Variants in EYS observed in about 807,000 individuals in gnomAD.
EYS encodes protein eyes shut homolog.
EYS carries 250 observed loss-of-function variants against 282.1 expected under a neutral mutation model. The observed-to-expected ratio is 0.89, with a 90% CI of 0.80 to 0.98. The LOEUF (loss-of-function observed/expected upper bound fraction) is 0.98, where lower values mean the gene tolerates loss of function less well. Among genes scored for constraint, EYS ranks in the 50% least tolerant of loss-of-function variants. The pLI is 0.00. For synonymous variants in EYS, 1,355 were observed against 1,282.9 expected, an observed-to-expected ratio of 1.06 and a Z score of -1.20; for missense variants, 4,016 against 3,709.0, an observed-to-expected ratio of 1.08 and a Z score of -2.15.
chr6:65,365,054 T>C (rs1381923698), intron 8 of EYS, among the ~76,000 whole-genome samples: 1 of 151,644 alleles, frequency 6.6e-6, no homozygotes, highest in Non-Finnish European at 1.5e-5. Context: ...AAAGTCATCC[T>C]AACTCTGAAG....
intron 6 of EYS, among the ~76,000 whole-genome samples, chr6:65,404,207 C>A (rs1766630091): frequency 1.3e-5 from 2 of 152,006 alleles, no homozygotes; most frequent in Admixed American, 1.3e-4. Context: ...ATCAAATCCC[C>A]CTTTGACTCT....
chr6:65,184,788 A>T (rs1376134206), intron 12 of EYS, among the ~76,000 whole-genome samples: 1 of 151,716 alleles, frequency 6.6e-6, no homozygotes, highest in East Asian at 1.9e-4. Context: ...TGGCTTCACA[A>T]ATATAAAACC....
rs1017765006 is a variant in EYS, at chr6:65,536,138, A to T, written c.-332-40145T>A. ...ATGGGGAAGAAGACAATGACACTAA[A>T]TAGATAAATTTGAGAATCATACGAC... is the stretch of plus-strand genomic sequence containing the variant. On this transcript the variant is annotated intron_variant, in intron 2 of 42. Coordinates refer to ENST00000503581, the MANE Select transcript of EYS (RefSeq NM_001142800.2). Among the ~76,000 whole-genome samples the T allele has an allele frequency of 3.9e-5, 6 of 152,216 alleles. No homozygotes were observed. In the East Asian group the frequency reaches 1.2e-3, roughly 29 times the overall value.
At chr6:65,657,576 A>T (rs1396387034) in intron 1 of EYS, among the ~76,000 whole-genome samples, 1 of 151,890 alleles carries the variant, frequency 6.6e-6, no homozygotes, top group Non-Finnish European at 1.5e-5. Context: ...AATTGCTGTA[A>T]TCTCATGATC....
chr6:64,151,311 G>GTGTATATA (rs1774698602), intron 31 of EYS, among the ~76,000 whole-genome samples: 1 of 87,168 alleles, frequency 1.1e-5, no homozygotes, highest in Admixed American at 1.5e-4. Context: ...GTGTGTGTGT[G>GTGTATATA]TATATTTATA....
intron 22 of EYS, among the ~76,000 whole-genome samples, chr6:64,725,357 A>G (rs1771718204): frequency 6.6e-6 from 1 of 152,034 alleles, no homozygotes; most frequent in Non-Finnish European, 1.5e-5. Context: ...TTACTTTCCT[A>G]TCGTGTTCTC....
chr6:64,191,991 T>C (rs995211671), intron 31 of EYS, among the ~76,000 whole-genome samples: 6 of 145,590 alleles, frequency 4.1e-5, no homozygotes, highest in Non-Finnish European at 9.1e-5. Context: ...CCAGCACCTG[T>C]TGTTTCCTGA....
intron 28 of EYS, among the ~76,000 whole-genome samples, chr6:64,409,618 T>C (rs1181634101): frequency 6.6e-6 from 1 of 152,150 alleles, no homozygotes; most frequent in Non-Finnish European, 1.5e-5. Flanking sequence ...ACTTCACCAA[T>C]TTTATATGTT....
At position 64,729,519 on chromosome 6, in the gene EYS, A is replaced by G. The variant is rs574491815; in HGVS notation, c.3443+83859T>C. On this transcript the variant is annotated intron_variant, in intron 22 of 42. Transcript: ENST00000503581. ...TGTCTCAGCTATCTTCAGTTTTAAG[A>G]AGGATGAGAAACAAGTGAATGTAGT... Among the ~76,000 whole-genome samples the G allele has an allele frequency of 6.6e-5, 10 of 152,280 alleles. 1 individual carries two copies. The South Asian group carries it at 1.7e-3, about 25-fold the overall frequency.
intron 12 of EYS, among the ~76,000 whole-genome samples, chr6:65,182,385 TTTTG>T (rs1317767753): frequency 6.6e-6 from 1 of 151,520 alleles, no homozygotes; most frequent in Non-Finnish European, 1.5e-5. Context: ...CTTTTAAAAG[TTTTG>T]TTTTTTTAAT....
chr6:64,254,496 G>A (rs1337119105), intron 30 of EYS, among the ~76,000 whole-genome samples: 1 of 151,990 alleles, frequency 6.6e-6, no homozygotes, highest in Non-Finnish European at 1.5e-5. Context: ...GTCCTAGCAG[G>A]AGCTGGGAGG....
At chr6:65,483,024 CTTATAG>C (rs1765660575) in intron 5 of EYS, among the ~76,000 whole-genome samples, 1 of 152,044 alleles carries the variant, frequency 6.6e-6, no homozygotes, top group African/African-American at 2.4e-5. Flanking sequence ...AGCAATAAAT[CTTATAG>C]TTATAAAATT....
chr6:64,233,391 A>T (rs1052292679), intron 30 of EYS, among the ~76,000 whole-genome samples: 2 of 152,194 alleles, frequency 1.3e-5, no homozygotes, highest in African/African-American at 4.8e-5. Context: ...TTAGAATGAA[A>T]TAAAATGTAT....
chr6:65,000,190 G>A (rs1266533406), intron 13 of EYS, among the ~76,000 whole-genome samples: 1 of 152,124 alleles, frequency 6.6e-6, no homozygotes, highest in East Asian at 1.9e-4. Flanking sequence ...TATACGTTCC[G>A]CTAGAGGAAT....
chr6:64,453,699 C>A (rs1024678337), intron 26 of EYS, among the ~76,000 whole-genome samples: 1 of 152,128 alleles, frequency 6.6e-6, no homozygotes, highest in African/African-American at 2.4e-5. Flanking sequence ...GAGCTCATGT[C>A]CTTTGTAGGA....
Position 64,274,481 on chromosome 6 carries a change from G to GTTTTTTTTTTT in EYS, c.6191+32478_6191+32488dup, listed in dbSNP as rs10640761. Among the ~76,000 whole-genome samples, 670 of 92,208 alleles carry GTTTTTTTTTTT rather than the reference G, an allele frequency of 7.3e-3. 64 individuals carry two copies. The highest frequency in any genetic ancestry group is 0.03 in the African/African-American group (631 of 21,190). The allele number at this position is 92,208 out of a possible 152,430, so 60.5% of individuals were successfully genotyped here. A position where few individuals can be genotyped will look rare whatever the true frequency, so the allele number is the denominator to read the frequency against. ...CAGGCGCGAGCCACCACGCCTGGCCGTTTTTTTTTTTTTTTTTTTTTTACA... is the reference window on the plus strand; with the variant it reads ...CAGGCGCGAGCCACCACGCCTGGCCGTTTTTTTTTTTTTTTTTTTTTTTTTTTTTTTTTACA... On this transcript the variant is annotated intron_variant, in intron 30 of 42. Coordinates refer to ENST00000503581, the MANE Select transcript of EYS (RefSeq NM_001142800.2).
chr6:65,261,828 C>T (rs1201622173), intron 12 of EYS, among the ~76,000 whole-genome samples: 1 of 151,832 alleles, frequency 6.6e-6, no homozygotes, highest in African/African-American at 2.4e-5. Flanking sequence ...GTTGTTTTAC[C>T]AGCATACAAA....
At chr6:65,148,140 A>T (rs887411386) in intron 12 of EYS, among the ~76,000 whole-genome samples, 22 of 152,046 alleles carry the variant, frequency 1.4e-4, no homozygotes, top group African/African-American at 5.3e-4. Flanking sequence ...AAACAAAAAC[A>T]TGCATTCTCA....
intron 2 of EYS, among the ~76,000 whole-genome samples, chr6:65,617,711 C>A (rs1232066844): frequency 8.2e-6 from 1 of 122,010 alleles, no homozygotes; most frequent in Non-Finnish European, 1.7e-5. Flanking sequence ...CCTCCCCCCA[C>A]CCCACCACAA....
Sources: gnomAD v4.1 joint callset for allele counts (sites outside exome capture counted in the v4.1 genomes callset) on GRCh38, gnomAD v4.1.1 for gene constraint, MANE v1.5 for transcripts, NCBI Gene and HGNC (gene_info 2026-07-23, HGNC 2026-07-21) for gene names.